The following PTPRM variants were observed in gnomAD, a reference collection of about 807,000 sequenced individuals.
PTPRM encodes the protein receptor-type tyrosine-protein phosphatase mu.
A neutral mutation model predicts 186.7 loss-of-function variants in PTPRM; 47 were observed. The ratio of observed to expected loss-of-function variants is 0.25; its 90% confidence interval spans 0.20 to 0.32. PTPRM has a LOEUF of 0.32. Among genes scored for constraint, PTPRM ranks in the 10% least tolerant of loss-of-function variants. The probability of loss-of-function intolerance (pLI) is 1.00; values close to 1 mark genes in which losing one functional copy is unlikely to be tolerated. For missense variants in PTPRM, 1,494 were observed against 1,865.0 expected (o/e 0.80, Z 3.66); for synonymous variants, 668 against 674.9 (o/e 0.99, Z 0.16).
chr18:7,596,782 T>C (rs954964090), intron 1 of PTPRM, among the ~76,000 whole-genome samples: 2 of 152,164 alleles, frequency 1.3e-5, no homozygotes, highest in Admixed American at 6.5e-5. Flanking sequence ...TAAAACTCTT[T>C]GTAGAAATGC....
intron 2 of PTPRM, among the ~76,000 whole-genome samples, chr18:7,848,724 C>T (rs1239491255): frequency 1.3e-5 from 2 of 152,174 alleles, no homozygotes; most frequent in Non-Finnish European, 2.9e-5. Context: ...TGTCACACCA[C>T]TGTACTCCAG....
intron 4 of PTPRM, among the ~76,000 whole-genome samples, chr18:7,925,250 G>A (rs2051103525): frequency 1.3e-5 from 2 of 152,134 alleles, no homozygotes; most frequent in Admixed American, 6.5e-5. Flanking sequence ...AGATCATAGA[G>A]TTGTATGTTA....
At chr18:8,329,242 G>C (rs57165119) in intron 22 of PTPRM, among the ~76,000 whole-genome samples, 14,637 of 152,222 alleles carry the variant, frequency 0.096, 766 homozygotes, top group African/African-American at 0.14. Context: ...TCACAGTCCA[G>C]TTTCCTTGTT....
At chr18:8,031,182 T>C (rs1430260227) in intron 7 of PTPRM, among the ~76,000 whole-genome samples, 3 of 152,220 alleles carry the variant, frequency 2.0e-5, no homozygotes, top group Admixed American at 6.5e-5. Context: ...TAGCACATGC[T>C]AATCACACTC....
chr18:7,742,232 A>G (rs2040897766), intron 1 of PTPRM, among the ~76,000 whole-genome samples: 1 of 152,356 alleles, frequency 6.6e-6, no homozygotes, highest in Admixed American at 6.5e-5. Context: ...ATTTTAAGTT[A>G]CAGTGACTAA....
At chr18:8,263,542 A>G (rs1041122721) in intron 19 of PTPRM, among the ~76,000 whole-genome samples, 1 of 152,190 alleles carries the variant, frequency 6.6e-6, no homozygotes, top group African/African-American at 2.4e-5. Context: ...TATGAGTGAT[A>G]AGAGCATCTT....
At chr18:8,209,680 G>A (rs7244101) in intron 14 of PTPRM, among the ~76,000 whole-genome samples, 51,164 of 151,694 alleles carry the variant, frequency 0.34, 9,166 homozygotes, top group Middle Eastern at 0.52. Context: ...TTAAAATGAG[G>A]CAATTAGGGT....
intron 13 of PTPRM, chr18:8,121,970 A>G (rs1466714068): frequency 6.6e-6 from 1 of 152,120 alleles, no homozygotes; most frequent in Non-Finnish European, 1.5e-5. Flanking sequence ...TTTCTTCTTC[A>G]GTTGATCTAT....
chr18:8,381,462 C>A (rs2095735547), intron 29 of PTPRM, among the ~76,000 whole-genome samples: 1 of 151,914 alleles, frequency 6.6e-6, no homozygotes, highest in Non-Finnish European at 1.5e-5. Flanking sequence ...ATCATCCAGC[C>A]ATAAATGGCA....
chr18:7,739,592 G>T (rs2040845851), intron 1 of PTPRM, among the ~76,000 whole-genome samples: 1 of 152,104 alleles, frequency 6.6e-6, no homozygotes, highest in South Asian at 2.1e-4. Flanking sequence ...TCAACTTTAG[G>T]ATAAATGGGG....
At chr18:7,997,603 G>A (rs763291060) in intron 7 of PTPRM, among the ~76,000 whole-genome samples, 1 of 152,142 alleles carries the variant, frequency 6.6e-6, no homozygotes, top group African/African-American at 2.4e-5. Flanking sequence ...TACAGAATGG[G>A]AGAAATTATT....
chr18:8,379,095 T>C lies in PTPRM; in HGVS notation c.3613-72T>C, dbSNP rs571860883. 1.2e-5 allele frequency: 16 copies of C among 1,343,628 alleles called. No homozygotes were observed. In the East Asian group the frequency reaches 3.1e-4, roughly 26 times the overall value. 83.2% of individuals were successfully genotyped at this position (1,343,628 alleles called of 1,614,324 possible). On this transcript the variant is annotated intron_variant, in intron 27 of 32. Transcript: ENST00000580170. ...GTCAGCCACAGGAAGTTTGCATCTT[T>C]CGAAAACTGCACGTGAGAGGAGTCC...
chr18:7,937,721 A>G (rs2051912237), intron 5 of PTPRM, among the ~76,000 whole-genome samples: 1 of 152,228 alleles, frequency 6.6e-6, no homozygotes, highest in Admixed American at 6.5e-5. Context: ...AGAATGGTCT[A>G]GGTCTATCAG....
At chr18:8,120,440 C>A (rs938239575) in intron 13 of PTPRM, among the ~76,000 whole-genome samples, 1 of 149,992 alleles carries the variant, frequency 6.7e-6, no homozygotes, top group Admixed American at 6.6e-5. Flanking sequence ...TATTGTTTAC[C>A]TTTTTGGATA....
intron 1 of PTPRM, among the ~76,000 whole-genome samples, chr18:7,671,810 G>A (rs1439263294): frequency 5.3e-5 from 8 of 152,136 alleles, no homozygotes; most frequent in Admixed American, 5.2e-4. Context: ...GATAAGATTT[G>A]AATTGTATCA....
chr18:8,055,538 C>T (rs1167876329), intron 7 of PTPRM, among the ~76,000 whole-genome samples: 1 of 152,168 alleles, frequency 6.6e-6, no homozygotes, highest in African/African-American at 2.4e-5. Flanking sequence ...TGACGTATTA[C>T]ATGTTCATTT....
chr18:8,327,695 C>T (rs1457337306), intron 22 of PTPRM, among the ~76,000 whole-genome samples: 1 of 152,200 alleles, frequency 6.6e-6, no homozygotes. Context: ...TCTCCAACAT[C>T]TCTGACTATT....
chr18:8,223,647 G>T (rs937471629), intron 14 of PTPRM, among the ~76,000 whole-genome samples: 1 of 152,168 alleles, frequency 6.6e-6, no homozygotes, highest in Non-Finnish European at 1.5e-5. Flanking sequence ...ATTTGCACCT[G>T]ATTGAAGATG....
intron 1 of PTPRM, among the ~76,000 whole-genome samples, chr18:7,638,667 G>GTT (rs2038374646): frequency 6.6e-6 from 1 of 152,164 alleles, no homozygotes; most frequent in South Asian, 2.1e-4. Context: ...TAGAATTACA[G>GTT]TTTTAGTGCA....
Sources: allele counts gnomAD v4.1 joint callset (sites outside exome capture counted in the v4.1 genomes callset), GRCh38; gene constraint gnomAD v4.1.1; transcripts MANE v1.5; gene names NCBI Gene and HGNC (gene_info 2026-07-23, HGNC 2026-07-21).